POFUT3: variants seen among roughly 807,000 people sequenced by gnomAD.
The protein encoded by POFUT3 is GDP-fucose protein O-fucosyltransferase 3.
the POFUT3 span, among the ~76,000 whole-genome samples, chr8:33,384,548 G>A: frequency 6.6e-6 from 1 of 152,108 alleles, no homozygotes; most frequent in Admixed American, 6.5e-5. Flanking sequence ...GGCCGGGCGT[G>A]GTGGCTCACA....
the POFUT3 span, among the ~76,000 whole-genome samples, chr8:33,444,965 A>C: frequency 9.8e-6 from 1 of 102,526 alleles, no homozygotes; most frequent in Admixed American, 1.3e-4. Flanking sequence ...ATAGGTTCTC[A>C]CTCTGTTGCC....
At chr8:33,317,902 C>T in the POFUT3 span, among the ~76,000 whole-genome samples, 1 of 152,178 alleles carries the variant, frequency 6.6e-6, no homozygotes, top group Non-Finnish European at 1.5e-5. Context: ...CATCCTTCAT[C>T]CTCATGTCAG....
chr8:33,453,201 G>GA, the POFUT3 span: 9 of 1,610,282 alleles, frequency 5.6e-6, no homozygotes, highest in Admixed American at 1.5e-4. Context: ...GGAGAAAGGC[G>GA]AAAGTCCTGC....
chr8:33,403,375 T>C, the POFUT3 span, among the ~76,000 whole-genome samples: 2 of 152,052 alleles, frequency 1.3e-5, no homozygotes, highest in Non-Finnish European at 2.9e-5. Flanking sequence ...TAGTGAAGTC[T>C]CTCATTACTG....
the POFUT3 span, among the ~76,000 whole-genome samples, chr8:33,395,413 C>T: frequency 1.3e-5 from 2 of 152,030 alleles, no homozygotes; most frequent in African/African-American, 4.8e-5. Context: ...GAGAGGAGTT[C>T]GGCCAGGGAC....
At chr8:33,363,601 C>T in the POFUT3 span, among the ~76,000 whole-genome samples, 2 of 152,046 alleles carry the variant, frequency 1.3e-5, no homozygotes, top group African/African-American at 4.8e-5. Context: ...ACCACCGATC[C>T]CACAGAAATA....
chr8:33,332,063 G>A, the POFUT3 span, among the ~76,000 whole-genome samples: 5 of 151,534 alleles, frequency 3.3e-5, no homozygotes, highest in African/African-American at 1.2e-4. Flanking sequence ...GAATCAAGTG[G>A]GCCCAGGAGA....
the POFUT3 span, among the ~76,000 whole-genome samples, chr8:33,309,138 T>TAAAAAAA: frequency 4.8e-5 from 2 of 41,692 alleles, no homozygotes; most frequent in Admixed American, 3.6e-4. Context: ...CTGGGGAGTG[T>TAAAAAAA]AAAAAAAAAA....
At chr8:33,416,924 C>A in the POFUT3 span, among the ~76,000 whole-genome samples, 6 of 151,498 alleles carry the variant, frequency 4.0e-5, no homozygotes, top group Non-Finnish European at 4.4e-5. Context: ...TCCTTTATTA[C>A]TCTACTTGGG....
chr8:33,447,625 G>A, the POFUT3 span, among the ~76,000 whole-genome samples: 1 of 152,174 alleles, frequency 6.6e-6, no homozygotes, highest in East Asian at 1.9e-4. Context: ...TCTTTAACTA[G>A]TACCTCCAGA....
chr8:33,337,069 G>A, the POFUT3 span, among the ~76,000 whole-genome samples: 1 of 152,138 alleles, frequency 6.6e-6, no homozygotes, highest in Non-Finnish European at 1.5e-5. Context: ...GAACTCTACC[G>A]CTAACCTAGA....
the POFUT3 span, among the ~76,000 whole-genome samples, chr8:33,432,618 A>T: frequency 6.6e-6 from 1 of 152,138 alleles, no homozygotes; most frequent in Non-Finnish European, 1.5e-5. Context: ...TCTCAAACCT[A>T]GATATTCTGA....
chr8:33,355,579 C>G, the POFUT3 span, among the ~76,000 whole-genome samples: 1 of 151,982 alleles, frequency 6.6e-6, no homozygotes, highest in Non-Finnish European at 1.5e-5. Flanking sequence ...TTGGATCTGC[C>G]AATTGTTAGT....
chr8:33,421,887 A>T, the POFUT3 span, among the ~76,000 whole-genome samples: 1 of 152,010 alleles, frequency 6.6e-6, no homozygotes, highest in Non-Finnish European at 1.5e-5. Context: ...GGAGGGGAAA[A>T]TGGAGAGATT....
At chr8:33,403,488 G>A in the POFUT3 span, among the ~76,000 whole-genome samples, 1 of 152,122 alleles carries the variant, frequency 6.6e-6, no homozygotes, top group Non-Finnish European at 1.5e-5. Flanking sequence ...GGCCGAGGCA[G>A]GAGAATCATT....
chr8:33,461,635 C>T, the POFUT3 span: 3 of 1,527,160 alleles, frequency 2.0e-6, no homozygotes, highest in South Asian at 2.4e-5. Context: ...GAGGGTCTGG[C>T]TTGGCATCGA....
chr8:33,468,255 A>AAG, the POFUT3 span, among the ~76,000 whole-genome samples: 1 of 131,300 alleles, frequency 7.6e-6, no homozygotes, highest in African/African-American at 3.1e-5. Flanking sequence ...AAAAAAAAAA[A>AAG]AAGAAGAAGA....
the POFUT3 span, among the ~76,000 whole-genome samples, chr8:33,359,382 T>A: frequency 6.6e-6 from 1 of 152,360 alleles, no homozygotes; most frequent in African/African-American, 2.4e-5. Flanking sequence ...CTTCTTCCTA[T>A]AATTGACTTT....
At chr8:33,461,599 T>A in the POFUT3 span, 2 of 1,536,266 alleles carry the variant, frequency 1.3e-6, no homozygotes, top group East Asian at 2.5e-5. Flanking sequence ...CAGGTCTCCA[T>A]GAAGGACTGA....
Sources: allele counts gnomAD v4.1 joint callset (sites outside exome capture counted in the v4.1 genomes callset), GRCh38; gene constraint gnomAD v4.1.1; transcripts MANE v1.5; gene names NCBI Gene and HGNC (gene_info 2026-07-23, HGNC 2026-07-21).